SOX5: variants seen among roughly 807,000 people sequenced by gnomAD.
SOX5 encodes the protein SRY-box transcription factor 5.
SOX5 carries 9 observed loss-of-function variants against 92.0 expected under a neutral mutation model. That is an observed-to-expected ratio of 0.10 (90% CI 0.06 to 0.17). SOX5 has a LOEUF of 0.17. SOX5 is among the 10% of genes least tolerant of loss of function. The pLI is 1.00. For missense variants in SOX5, 642 were observed against 944.5 expected, an observed-to-expected ratio of 0.68 and a Z score of 4.20; for synonymous variants, 344 against 336.3, an observed-to-expected ratio of 1.02 and a Z score of -0.25.
chr12:23,592,865 G>A (rs1457323963), intron 9 of SOX5, among the ~76,000 whole-genome samples: 1 of 152,096 alleles, frequency 6.6e-6, no homozygotes, highest in African/African-American at 2.4e-5. Context: ...GATCACCTGA[G>A]GTCAGGAGTT....
chr12:23,688,026 T>C (rs1292531621), intron 6 of SOX5, among the ~76,000 whole-genome samples: 1 of 152,032 alleles, frequency 6.6e-6, no homozygotes, highest in Non-Finnish European at 1.5e-5. Context: ...TGATAATCCT[T>C]TAAGAAACAG....
At chr12:23,657,013 A>G (rs975615924) in intron 7 of SOX5, among the ~76,000 whole-genome samples, 2 of 152,122 alleles carry the variant, frequency 1.3e-5, no homozygotes, top group African/African-American at 4.8e-5. Context: ...AGACAGGTTT[A>G]AGAAATGTTT....
chr12:24,464,502 A>G (rs1467573087), intron 1 of SOX5, among the ~76,000 whole-genome samples: 1 of 151,902 alleles, frequency 6.6e-6, no homozygotes, highest in Non-Finnish European at 1.5e-5. Context: ...CACCACGCCC[A>G]GCTAATTTTT....
intron 1 of SOX5, among the ~76,000 whole-genome samples, chr12:23,941,190 A>G (rs991509670): frequency 6.6e-6 from 1 of 151,638 alleles, no homozygotes; most frequent in Non-Finnish European, 1.5e-5. Context: ...GCACACACGT[A>G]TAACTATTAT....
At chr12:24,042,043 T>C (rs1956575641) in intron 4 of SOX5, among the ~76,000 whole-genome samples, 1 of 152,118 alleles carries the variant, frequency 6.6e-6, no homozygotes, top group Admixed American at 6.5e-5. Flanking sequence ...TACTGGGTAC[T>C]CTAACTGTAT....
chr12:23,763,196 A>T (rs531216718), intron 3 of SOX5, among the ~76,000 whole-genome samples: 1 of 152,336 alleles, frequency 6.6e-6, no homozygotes, highest in African/African-American at 2.4e-5. Flanking sequence ...ACTTACCTGC[A>T]AAAGAGGCTA....
intron 4 of SOX5, among the ~76,000 whole-genome samples, chr12:24,137,696 C>CTA (rs1382314775): frequency 1.3e-5 from 2 of 152,166 alleles, no homozygotes; most frequent in East Asian, 3.8e-4. Context: ...AAACTTCATT[C>CTA]TAGGCCTTTA....
chr12:23,998,181 T>A (rs890127199), intron 4 of SOX5, among the ~76,000 whole-genome samples: 1 of 151,992 alleles, frequency 6.6e-6, no homozygotes, highest in African/African-American at 2.4e-5. Flanking sequence ...AATTAAACCA[T>A]GTTTTAAGAA....
intron 8 of SOX5, among the ~76,000 whole-genome samples, chr12:23,635,512 G>C (rs886523593): frequency 6.6e-6 from 1 of 151,928 alleles, no homozygotes; most frequent in Non-Finnish European, 1.5e-5. Flanking sequence ...ACACCACACC[G>C]GGGCCTGTCG....
At chr12:23,668,539 G>A (rs771603854) in intron 6 of SOX5, among the ~76,000 whole-genome samples, 2 of 152,104 alleles carry the variant, frequency 1.3e-5, no homozygotes, top group East Asian at 3.8e-4. Flanking sequence ...ACTTGGTATA[G>A]GGTTAGTAAT....
chr12:24,482,739 C>T (rs1597176008), intron 1 of SOX5, among the ~76,000 whole-genome samples: 1 of 152,070 alleles, frequency 6.6e-6, no homozygotes, highest in Non-Finnish European at 1.5e-5. Context: ...GTAGAATGTG[C>T]TTTTAAAGGA....
intron 1 of SOX5, among the ~76,000 whole-genome samples, chr12:24,531,478 A>T (rs1951190684): frequency 6.6e-6 from 1 of 152,322 alleles, no homozygotes; most frequent in Middle Eastern, 3.4e-3. Context: ...TGTGATTATG[A>T]CTATACTATA....
intron 1 of SOX5, among the ~76,000 whole-genome samples, chr12:23,935,245 C>A (rs191539575): frequency 6.6e-6 from 1 of 151,322 alleles, no homozygotes; most frequent in Admixed American, 6.6e-5. Context: ...ACTCTTCCTG[C>A]TACCCAAATA....
chr12:24,002,410 G>A (rs74615192), intron 4 of SOX5, among the ~76,000 whole-genome samples: 1,886 of 152,026 alleles, frequency 0.012, 45 homozygotes, highest in South Asian at 0.063. Flanking sequence ...GAAATACAAA[G>A]ATGTATAAAG....
chr12:23,791,058 G>C (rs2095467436), intron 3 of SOX5, among the ~76,000 whole-genome samples: 1 of 152,046 alleles, frequency 6.6e-6, no homozygotes, highest in African/African-American at 2.4e-5. Context: ...AAATTTCAGA[G>C]GAAATTTCTA....
rs1304216264 is a variant in SOX5 at position 24,221,610 on chromosome 12, T to G, written c.-76-8193A>C. ...CAAAAACTGCCCACTGAGCACCTAC[T>G]ACCTGCCAGATACTATTCTAAGCAA... On this transcript the variant is annotated intron_variant, in intron 3 of 4. Transcript: ENST00000446891. 2.6e-5 allele frequency among the ~76,000 whole-genome samples: 4 copies of G among 152,202 alleles called. No homozygotes were observed. In the East Asian group the frequency reaches 7.7e-4, roughly 29 times the overall value.
intron 8 of SOX5, among the ~76,000 whole-genome samples, chr12:23,634,401 A>C (rs977053447): frequency 2.0e-5 from 3 of 152,138 alleles, no homozygotes; most frequent in Admixed American, 2.0e-4. Context: ...AGGTTGGTTA[A>C]GGTAGGCCTC....
chr12:24,388,109 T>C (rs1460594317), intron 1 of SOX5, among the ~76,000 whole-genome samples: 2 of 152,226 alleles, frequency 1.3e-5, no homozygotes, highest in East Asian at 1.9e-4. Flanking sequence ...ACTGGAATCT[T>C]GTACGTAATT....
chr12:24,067,776 G>A (rs940698884), intron 4 of SOX5, among the ~76,000 whole-genome samples: 2 of 152,168 alleles, frequency 1.3e-5, no homozygotes, highest in East Asian at 3.9e-4. Context: ...CGAGAAAGGG[G>A]AGTAGGCAGT....
Sources: allele counts gnomAD v4.1 joint callset (sites outside exome capture counted in the v4.1 genomes callset), GRCh38; gene constraint gnomAD v4.1.1; transcripts MANE v1.5; gene names NCBI Gene and HGNC (gene_info 2026-07-23, HGNC 2026-07-21).